The following NCALD variants were observed in gnomAD, a reference collection of about 807,000 sequenced individuals.
NCALD encodes the protein neurocalcin delta, also known as neurocalcin-delta.
NCALD carries 10 observed loss-of-function variants against 18.6 expected under a neutral mutation model. That is an observed-to-expected ratio of 0.54 (90% confidence interval 0.33 to 0.91). The LOEUF is 0.91. NCALD is among the 40% of genes least tolerant of loss of function. The pLI is 0.03. For synonymous variants in NCALD, 88 were observed against 87.4 expected (o/e 1.01, Z -0.04); for missense variants, 184 against 247.6 (o/e 0.74, Z 1.72).
intron 2 of NCALD, among the ~76,000 whole-genome samples, chr8:101,991,203 A>T (rs536060754): frequency 1.3e-5 from 2 of 152,150 alleles, no homozygotes; most frequent in East Asian, 1.9e-4. Flanking sequence ...TCCAATTCTG[A>T]TGGTGCCCTG....
At chr8:101,728,402 C>A (rs1323961188) in intron 1 of NCALD, among the ~76,000 whole-genome samples, 3 of 152,206 alleles carry the variant, frequency 2.0e-5, no homozygotes, top group Admixed American at 2.0e-4. Context: ...GAGGAAAAGC[C>A]TCAATGCAAA....
At chr8:101,858,114 G>A (rs500546) in intron 4 of NCALD, among the ~76,000 whole-genome samples, 40,318 of 151,894 alleles carry the variant, frequency 0.27, 5,737 homozygotes, top group East Asian at 0.36. Context: ...CATTGGTATT[G>A]TTTTCCAGCC....
chr8:101,897,275 C>T (rs1047237718), intron 3 of NCALD, among the ~76,000 whole-genome samples: 1 of 148,750 alleles, frequency 6.7e-6, no homozygotes, highest in African/African-American at 2.5e-5. Context: ...AACAAAAAAC[C>T]AAACACCGCA....
intron 2 of NCALD, among the ~76,000 whole-genome samples, chr8:101,925,648 T>C (rs927239822): frequency 6.6e-6 from 1 of 152,214 alleles, no homozygotes; most frequent in African/African-American, 2.4e-5. Context: ...GTGCCAATGA[T>C]GTCCTTGAGG....
chr8:102,027,519 A>G (rs916471143), intron 1 of NCALD, among the ~76,000 whole-genome samples: 6 of 152,206 alleles, frequency 3.9e-5, no homozygotes, highest in African/African-American at 7.2e-5. Flanking sequence ...CATTTTGGTT[A>G]AAGCCATTCA....
chr8:102,052,399 T>C (rs895477174), intron 1 of NCALD, among the ~76,000 whole-genome samples: 1 of 152,214 alleles, frequency 6.6e-6, no homozygotes, highest in Non-Finnish European at 1.5e-5. Flanking sequence ...GGCTCCCTCT[T>C]GACTGCCTGG....
intron 1 of NCALD, among the ~76,000 whole-genome samples, chr8:101,738,339 T>C (rs901598129): frequency 4.0e-5 from 6 of 150,538 alleles, no homozygotes; most frequent in African/African-American, 1.5e-4. Context: ...AGGTCAAGAG[T>C]TCGAGATCAG....
chr8:101,722,752 G>A (rs1816416750), intron 1 of NCALD, among the ~76,000 whole-genome samples: 1 of 152,116 alleles, frequency 6.6e-6, no homozygotes, highest in South Asian at 2.1e-4. Context: ...ACTGATCTGT[G>A]TGCAGCTATT....
intron 4 of NCALD, among the ~76,000 whole-genome samples, chr8:101,870,839 A>C (rs1815974975): frequency 6.6e-6 from 1 of 151,082 alleles, no homozygotes. Context: ...GGAAACAAAC[A>C]GTATCTACCA....
At chr8:101,784,965 C>A (rs1171359723) in intron 1 of NCALD, among the ~76,000 whole-genome samples, 2 of 152,226 alleles carry the variant, frequency 1.3e-5, no homozygotes. Flanking sequence ...ATTAACATTA[C>A]AACAAAACGA....
chr8:101,700,856 G>T (rs929449762), intron 2 of NCALD, among the ~76,000 whole-genome samples: 1 of 152,212 alleles, frequency 6.6e-6, no homozygotes, highest in Non-Finnish European at 1.5e-5. Flanking sequence ...GGCGTCCGAA[G>T]TCCCCGATGT....
At chr8:101,735,227 G>A (rs575072133) in intron 1 of NCALD, among the ~76,000 whole-genome samples, 12 of 152,250 alleles carry the variant, frequency 7.9e-5, no homozygotes, top group Non-Finnish European at 1.5e-4. Flanking sequence ...ACAGGGAGCC[G>A]ATCTATTAAA....
At chr8:101,814,937 G>A (rs1257539574) in intron 4 of NCALD, among the ~76,000 whole-genome samples, 1 of 151,866 alleles carries the variant, frequency 6.6e-6, no homozygotes, top group East Asian at 1.9e-4. Context: ...TCTTTATGAG[G>A]AAAACTATAA....
intron 2 of NCALD, among the ~76,000 whole-genome samples, chr8:101,981,489 C>T (rs1204004778): frequency 6.6e-6 from 1 of 152,178 alleles, no homozygotes; most frequent in East Asian, 1.9e-4. Context: ...AATGGTTCAG[C>T]AGCAGAATGT....
intron 3 of NCALD, among the ~76,000 whole-genome samples, chr8:101,908,055 T>C (rs770868986): frequency 6.6e-6 from 1 of 152,114 alleles, no homozygotes; most frequent in Non-Finnish European, 1.5e-5. Context: ...GTGTGAGAGA[T>C]CAATCTTGTA....
At chr8:102,054,738 T>TAGAC (rs1823586631) in intron 1 of NCALD, among the ~76,000 whole-genome samples, 1 of 152,010 alleles carries the variant, frequency 6.6e-6, no homozygotes, top group African/African-American at 2.4e-5. Context: ...GATAGATAGA[T>TAGAC]AGATCTATAG....
At chr8:101,731,874 G>T (rs912731089) in intron 1 of NCALD, among the ~76,000 whole-genome samples, 8 of 152,154 alleles carry the variant, frequency 5.3e-5, no homozygotes, top group Non-Finnish European at 1.0e-4. Flanking sequence ...TTACTAAATG[G>T]TCACATTCCA....
chr8:101,971,768 C>A (rs34096273), intron 2 of NCALD, among the ~76,000 whole-genome samples: 16,689 of 152,220 alleles, frequency 0.11, 993 homozygotes, highest in Middle Eastern at 0.22. Flanking sequence ...TGATGGCTGA[C>A]ATGGCTTAAT....
chr8:101,999,370 CAACCTGGATGG>C (rs1293071254), intron 2 of NCALD, among the ~76,000 whole-genome samples: 5 of 152,266 alleles, frequency 3.3e-5, no homozygotes, highest in African/African-American at 9.6e-5. Context: ...GCATTCACAG[CAACCTGGATGG>C]AATTGGAGAC....
Sources: allele counts gnomAD v4.1 joint callset (sites outside exome capture counted in the v4.1 genomes callset), GRCh38; gene constraint gnomAD v4.1.1; transcripts MANE v1.5; gene names NCBI Gene and HGNC (gene_info 2026-07-23, HGNC 2026-07-21).